The following PROX1 variants were observed in gnomAD, a reference collection of about 807,000 sequenced individuals.
The protein encoded by PROX1 is prospero homeobox 1.
PROX1 carries 7 observed loss-of-function variants against 58.8 expected under a neutral mutation model. The observed-to-expected ratio is 0.12, with a 90% CI of 0.07 to 0.22. The LOEUF is 0.22. PROX1 is among the 10% of genes least tolerant of loss of function. PROX1 has a pLI of 1.00. For missense variants in PROX1, 675 were observed against 927.8 expected (o/e 0.73, Z 3.54); for synonymous variants, 350 against 358.3 (o/e 0.98, Z 0.26).
chr1:214,031,641 G>A, intron 4 of PROX1, among the ~76,000 whole-genome samples: 1 of 152,200 alleles, frequency 6.6e-6, no homozygotes. Flanking sequence ...GTCACTAAGG[G>A]ATTTTCTGCA....
chr1:214,026,172 T>A (rs543001742), intron 4 of PROX1, among the ~76,000 whole-genome samples: 4 of 152,356 alleles, frequency 2.6e-5, no homozygotes, highest in Non-Finnish European at 5.9e-5. Context: ...TGTTTAAACT[T>A]GGAATCACTT....
intron 3 of PROX1, among the ~76,000 whole-genome samples, chr1:214,007,997 G>C (rs530698174): frequency 6.6e-6 from 1 of 152,150 alleles, no homozygotes. Flanking sequence ...ATTCATCTAG[G>C]AGAAAATTCC....
At chr1:213,996,046 A>G (rs1299488997) in intron 1 of PROX1, among the ~76,000 whole-genome samples, 1 of 152,188 alleles carries the variant, frequency 6.6e-6, no homozygotes, top group African/African-American at 2.4e-5. Flanking sequence ...TTTCATGTGA[A>G]TTTCTCATAG....
At position 214,021,063 on chromosome 1, in the gene PROX1, C is replaced by T. The variant is rs138010673; in HGVS notation, c.2028+9348C>T. Among the ~76,000 whole-genome samples the T allele has an allele frequency of 3.6e-4, 55 of 152,282 alleles. No homozygotes were observed. In the East Asian group the frequency reaches 0.01, roughly 28 times the overall value. On this transcript the variant is annotated intron_variant, in intron 4 of 4. Coordinates refer to ENST00000366958, the MANE Select transcript of PROX1 (RefSeq NM_001270616.2). The stretch of plus-strand genomic sequence containing the variant: ...GGTGGTCAGATCAGGCGGGTGGGCT[C>T]CCCAACCCATTGTCAGCCCTGTGCA...
At chr1:214,025,219 C>T (rs775587081) in intron 4 of PROX1, among the ~76,000 whole-genome samples, 1 of 152,212 alleles carries the variant, frequency 6.6e-6, no homozygotes, top group Non-Finnish European at 1.5e-5. Flanking sequence ...TTCCCGTAGA[C>T]ATAGGCAGCC....
In PROX1 at chr1:214,040,344, TTC is replaced by T. The variant is rs1217260065; in HGVS notation, c.*4515_*4516del. 2 of 152,186 alleles carry T rather than the reference TTC, an allele frequency of 1.3e-5. No individual in the cohort carries two copies. Among genetic ancestry groups the T allele is most frequent in the Non-Finnish European group, 2.9e-5 (2 of 68,010 alleles). The allele number at this position is 152,186 out of a possible 1,614,324, so 9.4% of individuals were successfully genotyped here. A position where few individuals can be genotyped will look rare whatever the true frequency, so the allele number is the denominator to read the frequency against. On this transcript the variant is annotated 3_prime_UTR_variant, in exon 5 of 5. Coordinates refer to ENST00000366958, the MANE Select transcript of PROX1 (RefSeq NM_001270616.2). ...GACTTTGAGTCTTTTCAACTGAGCCTTCTCTCAAATCTGACACCCCCTCAGAA... is the reference window on the plus strand; with the variant it reads ...GACTTTGAGTCTTTTCAACTGAGCCTTCTCAAATCTGACACCCCCTCAGAA...
At chr1:214,021,144 G>A (rs982557263) in intron 4 of PROX1, among the ~76,000 whole-genome samples, 7 of 152,100 alleles carry the variant, frequency 4.6e-5, no homozygotes, top group Admixed American at 3.9e-4. Context: ...CAAAAGGCTC[G>A]AGATATATCC....
rs775503621 is a variant in PROX1, at chr1:213,997,981, C to A, written c.1446C>A (p.His482Gln). Residue 482 changes from histidine to glutamine, a missense_variant, in exon 2 of 5, where the codon CAC becomes CAA. Around this residue, in one of 8 missense-constraint regions of PROX1, gnomAD observed 403 missense variants for 477.4 expected, o/e 0.84. Coordinates refer to ENST00000366958, the MANE Select transcript of PROX1 (RefSeq NM_001270616.2). The surrounding 1 kb of genome is among the most constrained non-coding windows in gnomAD (Gnocchi z 7.1). ...TTGFTTSTFR[H>Q]PFPLPLMAYP... ...GCTTCACCACGTCCACCTTCCGCCA[C>A]CCCTTCCCCCTTCCCTTGATGGCCT... The A allele has an allele frequency of 3.7e-6, 6 of 1,613,724 alleles. No homozygotes were observed. The highest frequency in any genetic ancestry group is 5.1e-6 in the Non-Finnish European group (6 of 1,179,748).
At chr1:214,003,662 C>T (rs1027008086) in intron 2 of PROX1, among the ~76,000 whole-genome samples, 2 of 152,160 alleles carry the variant, frequency 1.3e-5, no homozygotes, top group Non-Finnish European at 2.9e-5. Flanking sequence ...AAAAAACCTG[C>T]ACTACTTAAC....
In PROX1 at chr1:214,004,901, T is replaced by C. The variant is rs78968867; in HGVS notation, c.1726-264T>C. ...CCGACCTAAAGCAAGGAAAATATTT[T>C]GCCATCCTCACCCTAAAGTAGCCAA... On this transcript the variant is annotated intron_variant, in intron 2 of 4. Coordinates refer to ENST00000366958, the MANE Select transcript of PROX1 (RefSeq NM_001270616.2). Among the ~76,000 whole-genome samples, 464 of 152,338 alleles carry C rather than the reference T, an allele frequency of 3.0e-3. 2 individuals carry two copies. The highest frequency in any genetic ancestry group is 0.011 in the African/African-American group (445 of 41,584).
chr1:214,028,170 T>C (rs1283021913), intron 4 of PROX1, among the ~76,000 whole-genome samples: 3 of 152,054 alleles, frequency 2.0e-5, no homozygotes, highest in African/African-American at 7.2e-5. Context: ...TCTGCCTCAT[T>C]TGGGGTAACT....
At chr1:214,005,643 G>C (rs1375135665) in intron 3 of PROX1, among the ~76,000 whole-genome samples, 1 of 152,012 alleles carries the variant, frequency 6.6e-6, no homozygotes, top group Non-Finnish European at 1.5e-5. Context: ...GTTTCTGTTG[G>C]TTTCCCCATA....
intron 4 of PROX1, among the ~76,000 whole-genome samples, chr1:214,017,848 T>A (rs1482517361): frequency 2.0e-5 from 3 of 152,194 alleles, no homozygotes; most frequent in Non-Finnish European, 4.4e-5. Flanking sequence ...CCTTCAGCGA[T>A]GAGGAAAGTT....
chr1:214,010,098 C>T (rs755316664), intron 3 of PROX1, among the ~76,000 whole-genome samples: 6 of 152,088 alleles, frequency 3.9e-5, no homozygotes, highest in South Asian at 2.1e-4. Flanking sequence ...GGGTTCCCCG[C>T]GAGGCTGAAT....
At chr1:213,989,523 G>C (rs1182814542) in intron 1 of PROX1, among the ~76,000 whole-genome samples, 3 of 152,044 alleles carry the variant, frequency 2.0e-5, no homozygotes, top group Non-Finnish European at 2.9e-5. Flanking sequence ...TTTTGCCCCA[G>C]TTAGGAGGAC....
At chr1:214,017,653 A>C (rs1287092446) in intron 4 of PROX1, among the ~76,000 whole-genome samples, 2 of 151,886 alleles carry the variant, frequency 1.3e-5, no homozygotes, top group African/African-American at 2.4e-5. Flanking sequence ...CGCACACACA[A>C]AAAAATCTTT....
chr1:214,029,303 C>T (rs1216147400), intron 4 of PROX1: 2 of 152,162 alleles, frequency 1.3e-5, no homozygotes, highest in Non-Finnish European at 2.9e-5. Context: ...AAAAATACCT[C>T]GCTATGTATG....
intron 1 of PROX1, among the ~76,000 whole-genome samples, chr1:213,995,555 G>T (rs1272082556): frequency 6.6e-6 from 1 of 151,538 alleles, no homozygotes; most frequent in Non-Finnish European, 1.5e-5. Flanking sequence ...TATTATTTTG[G>T]CAGATTTAAA....
At position 214,041,386 on chromosome 1, in the gene PROX1, T is replaced by C. The variant is rs987016330; in HGVS notation, c.*5552T>C. ...CTTTCACTACAATTCTTCATTCTGT[T>C]AGCCTAACGTGCAGCTCCTAGAAAC... On this transcript the variant is annotated 3_prime_UTR_variant, in exon 5 of 5. Coordinates refer to ENST00000366958, the MANE Select transcript of PROX1 (RefSeq NM_001270616.2). 6.6e-5 allele frequency: 10 copies of C among 152,218 alleles called. No individual in the cohort carries two copies. Among genetic ancestry groups the C allele is most frequent in the African/African-American group, 1.9e-4 (8 of 41,550 alleles). 9.4% of individuals were successfully genotyped at this position (152,218 alleles called of 1,614,324 possible). A position where few individuals can be genotyped will look rare whatever the true frequency, so the allele number is the denominator to read the frequency against.
Sources: allele counts gnomAD v4.1 joint callset (sites outside exome capture counted in the v4.1 genomes callset), GRCh38; gene constraint gnomAD v4.1.1; regional missense constraint gnomAD v4.1.1; non-coding constraint Gnocchi (gnomAD v3.1); transcripts MANE v1.5; gene names NCBI Gene and HGNC (gene_info 2026-07-23, HGNC 2026-07-21).